The following ALPL variants were observed in gnomAD, a reference collection of about 807,000 sequenced individuals.
The protein encoded by ALPL is alkaline phosphatase, tissue-nonspecific isozyme.
In ALPL, 42 loss-of-function variants were observed where a neutral mutation model predicts 51.3. The observed-to-expected ratio is 0.82, with a 90% CI of 0.64 to 1.06. ALPL has a LOEUF of 1.06. Ranked by LOEUF, ALPL falls within the 50% of genes least tolerant of loss-of-function variation. The pLI is 0.00. For synonymous variants in ALPL, 279 were observed against 296.4 expected (o/e 0.94, Z 0.60); for missense variants, 589 against 709.4 (o/e 0.83, Z 1.93).
Position 21,575,924 on chromosome 1 carries a change from G to C in ALPL, c.1189G>C (p.Gly397Arg). The C allele has an allele frequency of 6.2e-7, 1 of 1,614,222 alleles. No individual in the cohort carries two copies. The highest frequency in any genetic ancestry group is 8.5e-7 in the Non-Finnish European group (1 of 1,180,038). ...CACCCCCCGTGGCAACTCTATCTTTGGTAGGTGGGCCTTCTTTGGGGTGGA... is the reference window on the plus strand; with the variant it reads ...CACCCCCCGTGGCAACTCTATCTTTCGTAGGTGGGCCTTCTTTGGGGTGGA... ...GYTPRGNSIFGLAPMLSDTDK... is the reference protein window; with the variant it reads ...GYTPRGNSIFRLAPMLSDTDK... Residue 397 changes from glycine to arginine, a missense_variant and splice_region_variant, in exon 10 of 12, where the codon GGT (glycine) becomes CGT (arginine). By Grantham distance (125) the Gly-to-Arg change is moderately radical. Coordinates refer to ENST00000374840, the MANE Select transcript of ALPL (RefSeq NM_000478.6).
rs1644594268 is a variant in ALPL at position 21,568,179 on chromosome 1, G to A, written c.724G>A (p.Ala242Thr). ...TDVEYESDEKARGTRLDGLDL... is the reference protein window; with the variant it reads ...TDVEYESDEKTRGTRLDGLDL... ...TGTGGAGTATGAGAGTGACGAGAAA[G>A]CCAGGGGCACGAGGCTGGACGGCCT... Residue 242 changes from alanine to threonine, a missense_variant, in exon 7 of 12, where the codon GCC becomes ACC. Coordinates refer to ENST00000374840, the MANE Select transcript of ALPL (RefSeq NM_000478.6). The A allele has an allele frequency of 6.2e-7, 1 of 1,613,976 alleles. No individual in the cohort carries two copies. The highest frequency in any genetic ancestry group is 1.7e-5 in the Admixed American group (1 of 59,982).
In ALPL at chr1:21,513,059, C is replaced by CTATTAT. The variant is rs146470644; in HGVS notation, c.-105+3563_-105+3568dup. On this transcript the variant is annotated intron_variant, in intron 1 of 11. Coordinates refer to ENST00000374840, the MANE Select transcript of ALPL (RefSeq NM_000478.6). Reference sequence around the variant, plus strand: ...CCTGGCTGGTGTGGACTCGCCCTCTCTATTATTATTATTATTATTATTATT... The same window carrying CTATTAT: ...CCTGGCTGGTGTGGACTCGCCCTCTCTATTATTATTATTATTATTATTATTATTATT... Among the ~76,000 whole-genome samples, 144 of 150,900 alleles carry CTATTAT rather than the reference C, an allele frequency of 9.5e-4. 1 individual carries two copies. Among genetic ancestry groups the CTATTAT allele is most frequent in the African/African-American group, 2.5e-3 (103 of 41,164 alleles).
intron 1 of ALPL, among the ~76,000 whole-genome samples, chr1:21,537,205 C>T (rs1473254871): frequency 1.3e-5 from 2 of 152,164 alleles, no homozygotes; most frequent in African/African-American, 4.8e-5. Context: ...CAGGTTCCTT[C>T]CCTTCTAAGA....
At chr1:21,565,747 C>T (rs566425500) in intron 6 of ALPL, among the ~76,000 whole-genome samples, 1 of 151,386 alleles carries the variant, frequency 6.6e-6, no homozygotes, top group Non-Finnish European at 1.5e-5. Context: ...TCCGTCACCA[C>T]CCCCCCAAAA....
At chr1:21,568,554 G>C (rs954344934) in intron 7 of ALPL, among the ~76,000 whole-genome samples, 1 of 152,104 alleles carries the variant, frequency 6.6e-6, no homozygotes, top group East Asian at 1.9e-4. Context: ...CATGCGTGAG[G>C]CACAGAGGCT....
Position 21,530,948 on chromosome 1 carries a change from T to A in ALPL, c.-105+21431T>A, listed in dbSNP as rs1644020763. On this transcript the variant is annotated intron_variant, in intron 1 of 11. Coordinates refer to ENST00000374840, the MANE Select transcript of ALPL (RefSeq NM_000478.6). ...GGCGTGCACCACCACATCCAGATCA[T>A]TTTTGATTTTTTTTTTTTTTTTTTT... Among the ~76,000 whole-genome samples the A allele has an allele frequency of 2.5e-5, 3 of 119,644 alleles. No homozygotes were observed. In the South Asian group the frequency reaches 9.7e-4, roughly 39 times the overall value. The allele number at this position is 119,644 out of a possible 152,430, so 78.5% of individuals were successfully genotyped here. A position where few individuals can be genotyped will look rare whatever the true frequency, so the allele number is the denominator to read the frequency against.
rs115654931 is a variant in ALPL, at chr1:21,564,870, C to T, written c.648+654C>T. ...AGTGCCCAGAAGGTGGTGGCACTTA[C>T]GCAGGAGCCACATGTCCTTGCCCTG... On this transcript the variant is annotated intron_variant, in intron 6 of 11. Transcript: ENST00000374840. This position sits in a 1 kb window ranked among gnomAD's most constrained non-coding sequence, Gnocchi z 5.8. 0.011 allele frequency among the ~76,000 whole-genome samples: 1,732 copies of T among 152,296 alleles called. 34 individuals are homozygous for T. The highest frequency in any genetic ancestry group is 0.039 in the African/African-American group (1,631 of 41,536).
chr1:21,555,111 T>A (rs1407132493), intron 2 of ALPL, among the ~76,000 whole-genome samples: 1 of 136,218 alleles, frequency 7.3e-6, no homozygotes. Flanking sequence ...TAGGGGTAGG[T>A]AAAGGAAAAA....
intron 9 of ALPL, among the ~76,000 whole-genome samples, chr1:21,575,428 A>T (rs1287643732): frequency 2.0e-5 from 3 of 152,096 alleles, no homozygotes; most frequent in Non-Finnish European, 1.5e-5. Flanking sequence ...AAGCAGCTAG[A>T]GACAGTGCTG....
rs529786148 is a variant in ALPL, at chr1:21,577,612, C to T, written c.1539C>T (p.Leu513=). 15 of 1,599,860 alleles carry T rather than the reference C, an allele frequency of 9.4e-6. No homozygotes were observed. Among genetic ancestry groups the T allele is most frequent in the Admixed American group, 6.7e-5 (4 of 59,946 alleles). The stretch of plus-strand genomic sequence containing the variant: ...GCCTTGCTGCAGGCCCCCTGCTGCT[C>T]GCGCTGGCCCTCTACCCCCTGAGCG... ...AGSLAAGPLL[L]ALALYPLSVL... Residue 513 remains leucine, a synonymous_variant, in exon 12 of 12, where the codon CTC becomes CTT. Transcript: ENST00000374840.
intron 1 of ALPL, among the ~76,000 whole-genome samples, chr1:21,532,948 T>C (rs889871392): frequency 2.6e-5 from 4 of 152,150 alleles, no homozygotes; most frequent in African/African-American, 7.2e-5. Flanking sequence ...AGGCTTCTCT[T>C]GGAGAAAAAG....
intron 6 of ALPL, among the ~76,000 whole-genome samples, chr1:21,566,283 T>C (rs1199358691): frequency 6.6e-6 from 1 of 152,174 alleles, no homozygotes; most frequent in Admixed American, 6.5e-5. Context: ...AGTTGCATTT[T>C]ATTTATTATT....
intron 2 of ALPL, among the ~76,000 whole-genome samples, chr1:21,559,406 C>T (rs937529142): frequency 3.9e-5 from 6 of 152,144 alleles, no homozygotes; most frequent in South Asian, 2.1e-4. Flanking sequence ...TTGCCTTATC[C>T]GGCCCAGTCC....
intron 4 of ALPL, among the ~76,000 whole-genome samples, chr1:21,561,672 T>G (rs1224744829): frequency 2.7e-5 from 4 of 147,970 alleles, no homozygotes; most frequent in Admixed American, 6.7e-5. Flanking sequence ...ATGCCTTTTT[T>G]TTTTTTTTTT....
At chr1:21,537,838 A>G (rs1047010103) in intron 1 of ALPL, among the ~76,000 whole-genome samples, 7 of 152,096 alleles carry the variant, frequency 4.6e-5, no homozygotes, top group African/African-American at 1.7e-4. Flanking sequence ...GGAGCTGATC[A>G]TTTGCACTTC....
rs769020799 is a variant in ALPL at position 21,568,116 on chromosome 1, G to C, written c.661G>C (p.Gly221Arg). The change falls in exon 7 of 12, where the codon GGT becomes CGT. Residue 221 changes from glycine (G) to arginine (R), a missense_variant. Gly to Arg is a moderately radical substitution (Grantham distance 125). Transcript: ENST00000374840. Reference protein sequence around the residue: ...NIRDIDVIMGGGRKYMYPKNK... With the variant: ...NIRDIDVIMGRGRKYMYPKNK... ...CTGTCTCTTTTAGGTGATCATGGGGGGTGGCCGGAAATACATGTACCCCAA... is the reference window on the plus strand; with the variant it reads ...CTGTCTCTTTTAGGTGATCATGGGGCGTGGCCGGAAATACATGTACCCCAA... 5 of 1,614,084 alleles carry C rather than the reference G, an allele frequency of 3.1e-6. No individual in the cohort carries two copies. Among genetic ancestry groups the C allele is most frequent in the Non-Finnish European group, 4.2e-6 (5 of 1,180,030 alleles).
At chr1:21,568,027 C>T in intron 6 of ALPL, 77 bp from the exon 7 acceptor site, 1 of 1,605,192 alleles carries the variant, frequency 6.2e-7, no homozygotes, top group Non-Finnish European at 8.5e-7. Context: ...TCCAGGAGTC[C>T]AGGTTCCAAG....
chr1:21,550,336 T>C (rs1174872078), intron 1 of ALPL, among the ~76,000 whole-genome samples: 1 of 152,202 alleles, frequency 6.6e-6, no homozygotes, highest in African/African-American at 2.4e-5. Flanking sequence ...AGGTTTCTGC[T>C]CTGCAACTTC....
rs1290022221 is a variant in ALPL at position 21,574,318 on chromosome 1, C to T, written c.997+519C>T. 1.5e-5 allele frequency: 8 copies of T among 546,256 alleles called. No individual in the cohort carries two copies. The East Asian group carries it at 1.0e-3, about 70-fold the overall frequency. 33.8% of individuals were successfully genotyped at this position (546,256 alleles called of 1,614,324 possible). ...AGCATCTGTCTCCTGGAGAGTGATT[C>T]GCCTCCATTGTGTTCAGAGACATAA... On this transcript the variant is annotated intron_variant, in intron 9 of 11. Coordinates refer to ENST00000374840, the MANE Select transcript of ALPL (RefSeq NM_000478.6).
Sources: allele counts gnomAD v4.1 joint callset (sites outside exome capture counted in the v4.1 genomes callset), GRCh38; gene constraint gnomAD v4.1.1; non-coding constraint Gnocchi (gnomAD v3.1); transcripts MANE v1.5; gene names NCBI Gene and HGNC (gene_info 2026-07-23, HGNC 2026-07-21).